The following PARN variants were observed in gnomAD, a reference collection of about 807,000 sequenced individuals.
PARN encodes poly(A)-specific ribonuclease, also known as poly(A)-specific ribonuclease PARN.
A neutral mutation model predicts 102.8 loss-of-function variants in PARN; 71 were observed. The ratio of observed to expected loss-of-function variants is 0.69; its 90% CI spans 0.57 to 0.84. PARN has a LOEUF of 0.84. Among genes scored for constraint, PARN ranks in the 40% least tolerant of loss-of-function variants. The probability of loss-of-function intolerance (pLI) is 0.00; values close to 1 mark genes in which losing one functional copy is unlikely to be tolerated. For missense variants in PARN, 782 were observed against 760.9 expected (o/e 1.03, Z -0.33); for synonymous variants, 261 against 252.9 (o/e 1.03, Z -0.30).
intron 18 of PARN, among the ~76,000 whole-genome samples, chr16:14,571,120 A>G (rs1968781624): frequency 6.6e-6 from 1 of 152,210 alleles, no homozygotes. Context: ...GCGGTGGCTC[A>G]TGCCTGTAAT....
intron 21 of PARN, among the ~76,000 whole-genome samples, chr16:14,505,803 A>G (rs761074282): frequency 3.6e-4 from 55 of 152,346 alleles, no homozygotes; most frequent in Non-Finnish European, 5.7e-4. Context: ...CTTTGGCAAC[A>G]TGTGAACTAA....
At chr16:14,487,886 A>G (rs1200408568) in intron 21 of PARN, among the ~76,000 whole-genome samples, 1 of 152,222 alleles carries the variant, frequency 6.6e-6, no homozygotes, top group Non-Finnish European at 1.5e-5. Flanking sequence ...ACTTTATTAT[A>G]CATCAATTAA....
intron 21 of PARN, among the ~76,000 whole-genome samples, chr16:14,537,067 T>A (rs767357148): frequency 6.6e-6 from 1 of 152,084 alleles, no homozygotes; most frequent in Non-Finnish European, 1.5e-5. Context: ...ATTCAGAATA[T>A]ACAAGAACTC....
At chr16:14,469,708 CAAA>C (rs113317045) in intron 22 of PARN, among the ~76,000 whole-genome samples, 2 of 135,358 alleles carry the variant, frequency 1.5e-5, no homozygotes, top group African/African-American at 2.8e-5. Flanking sequence ...CATAAAGTGT[CAAA>C]AAAAAAAAAA....
At chr16:14,626,852 C>T (rs1972703568) in intron 5 of PARN, among the ~76,000 whole-genome samples, 1 of 151,986 alleles carries the variant, frequency 6.6e-6, no homozygotes, top group Non-Finnish European at 1.5e-5. Flanking sequence ...CTCCTGACCT[C>T]ATGATCCGCC....
chr16:14,507,324 C>G (rs1964949481), intron 21 of PARN, among the ~76,000 whole-genome samples: 1 of 147,248 alleles, frequency 6.8e-6, no homozygotes, highest in African/African-American at 2.5e-5. Context: ...GAAATTCGGT[C>G]TCAAAAAAAA....
intron 21 of PARN, among the ~76,000 whole-genome samples, chr16:14,488,184 T>TG (rs924883361): frequency 1.1e-4 from 16 of 151,632 alleles, no homozygotes; most frequent in Non-Finnish European, 8.8e-5. Context: ...TGTTTATCCA[T>TG]GGGGGGGAAA....
intron 22 of PARN, among the ~76,000 whole-genome samples, chr16:14,477,750 G>C (rs1963148242): frequency 6.6e-6 from 1 of 151,924 alleles, no homozygotes; most frequent in African/African-American, 2.4e-5. Context: ...CTGCACTCCA[G>C]CCTGGCAACA....
chr16:14,620,985 CCAAAA>C (rs766172901), intron 5 of PARN, among the ~76,000 whole-genome samples: 8 of 152,132 alleles, frequency 5.3e-5, no homozygotes, highest in Non-Finnish European at 1.2e-4. Context: ...TCTTTAATAA[CCAAAA>C]CAAATCGTTT....
chr16:14,584,199 A>G (rs1969702031), intron 16 of PARN, 148 bp downstream of exon 16: 1 of 506,050 alleles, frequency 2.0e-6, no homozygotes, highest in East Asian at 3.1e-5. Flanking sequence ...TCAAAAAACA[A>G]TAATTCAACA....
chr16:14,572,782 T>A (rs1324707136), intron 18 of PARN, among the ~76,000 whole-genome samples: 1 of 152,240 alleles, frequency 6.6e-6, no homozygotes. Context: ...CAATTTTATG[T>A]CCACAAGCTA....
chr16:14,479,017 G>A (rs1229062805), intron 22 of PARN, among the ~76,000 whole-genome samples: 5 of 152,158 alleles, frequency 3.3e-5, no homozygotes, highest in African/African-American at 9.7e-5. Flanking sequence ...TCATCTGCCC[G>A]CCTTGGCCTC....
intron 22 of PARN, among the ~76,000 whole-genome samples, chr16:14,454,923 A>C (rs1353840197): frequency 1.3e-5 from 2 of 152,378 alleles, no homozygotes; most frequent in East Asian, 3.9e-4. Flanking sequence ...ATATATGCAC[A>C]GGTTATTATT....
chr16:14,609,140 GACCATA>G lies in PARN; in HGVS notation c.555-23_555-18del. ...ATTTTCTCTCTGAGGAATAAGAATA[GACCATA>G]ACCATCAGTACCTTTAAGGAATGAA... On this transcript the variant is annotated intron_variant, in intron 7 of 23. Transcript: ENST00000437198. 1 of 1,280,924 alleles carries G rather than the reference GACCATA, an allele frequency of 7.8e-7. No individual in the cohort carries two copies. The highest frequency in any genetic ancestry group is 1.1e-6 in the Non-Finnish European group (1 of 899,042). 79.3% of individuals were successfully genotyped at this position (1,280,924 alleles called of 1,614,324 possible). A position where few individuals can be genotyped will look rare whatever the true frequency, so the allele number is the denominator to read the frequency against.
chr16:14,457,706 G>A (rs1373089290), intron 22 of PARN, among the ~76,000 whole-genome samples: 2 of 147,320 alleles, frequency 1.4e-5, no homozygotes, highest in Non-Finnish European at 3.0e-5. Context: ...GCTGAGGCAG[G>A]AGAACTGCTC....
chr16:14,604,296 T>G, intron 10 of PARN, 70 bp from the exon 11 acceptor site: 1 of 989,314 alleles, frequency 1.0e-6, no homozygotes, highest in South Asian at 1.5e-5. Flanking sequence ...GTTTCGCTCT[T>G]GTTGCTCAGG....
intron 16 of PARN, among the ~76,000 whole-genome samples, chr16:14,582,924 T>C (rs745914334): frequency 6.6e-6 from 1 of 152,178 alleles, no homozygotes; most frequent in Non-Finnish European, 1.5e-5. Flanking sequence ...TATCTATCAA[T>C]ACCTGAGGCA....
intron 21 of PARN, among the ~76,000 whole-genome samples, chr16:14,517,728 G>A (rs903235347): frequency 6.6e-6 from 1 of 152,136 alleles, no homozygotes; most frequent in African/African-American, 2.4e-5. Flanking sequence ...GCCCAGGCTA[G>A]AGTGCAGTGG....
At chr16:14,436,957 T>C (rs1015273154) in intron 23 of PARN, among the ~76,000 whole-genome samples, 185 bp from the exon 24 acceptor site, 1 of 152,104 alleles carries the variant, frequency 6.6e-6, no homozygotes, top group Non-Finnish European at 1.5e-5. Context: ...GTGCCCAGCA[T>C]GGGAAAGTGA....
Sources: gnomAD v4.1 joint callset for allele counts (sites outside exome capture counted in the v4.1 genomes callset) on GRCh38, gnomAD v4.1.1 for gene constraint, MANE v1.5 for transcripts, NCBI Gene and HGNC (gene_info 2026-07-23, HGNC 2026-07-21) for gene names.